DPYSL2: variants seen among roughly 807,000 people sequenced by gnomAD.
The protein encoded by DPYSL2 is dihydropyrimidinase-related protein 2.
Under a neutral mutation model 69.9 loss-of-function variants are expected in DPYSL2, and 13 were observed. That is an observed-to-expected ratio of 0.19 (90% confidence interval 0.12 to 0.30). DPYSL2 has a LOEUF of 0.30. Ranked by LOEUF, DPYSL2 falls within the 10% of genes least tolerant of loss-of-function variation. The pLI is 1.00. For missense variants in DPYSL2, 587 were observed against 918.9 expected (o/e 0.64, Z 4.67); for synonymous variants, 326 against 359.1 (o/e 0.91, Z 1.04).
chr8:26,649,347 A>G (rs1262248560), intron 11 of DPYSL2, among the ~76,000 whole-genome samples: 2 of 152,156 alleles, frequency 1.3e-5, no homozygotes, highest in Non-Finnish European at 2.9e-5. Flanking sequence ...GGTGCTATAA[A>G]TGGCTGGCTG....
At chr8:26,622,155 T>TTCCCTCCCTCCC (rs1554544282) in intron 3 of DPYSL2, among the ~76,000 whole-genome samples, 3 of 68,968 alleles carry the variant, frequency 4.3e-5, no homozygotes, top group East Asian at 4.5e-4. Context: ...CCTTCCTTCC[T>TTCCCTCCCTCCC]TCCCTCTCTC....
At chr8:26,592,371 A>G (rs1801746394) in intron 3 of DPYSL2, among the ~76,000 whole-genome samples, 1 of 151,708 alleles carries the variant, frequency 6.6e-6, no homozygotes, top group African/African-American at 2.4e-5. Context: ...CAGGCTGGTC[A>G]TGAACTCTTG....
At chr8:26,536,076 C>T (rs935259848) in intron 1 of DPYSL2, among the ~76,000 whole-genome samples, 2 of 151,424 alleles carry the variant, frequency 1.3e-5, no homozygotes, top group Non-Finnish European at 2.9e-5. Flanking sequence ...TACATGCCAC[C>T]ATGCCCAGCT....
chr8:26,585,971 G>C lies in DPYSL2; in HGVS notation c.628+1988G>C, dbSNP rs117996028. ...ATACAAAAATTAGCTAGGCATGGTGGCATGCTCCTGGAGTCCCAGCTACTT... is the reference window on the plus strand; with the variant it reads ...ATACAAAAATTAGCTAGGCATGGTGCCATGCTCCTGGAGTCCCAGCTACTT... On this transcript the variant is annotated intron_variant, in intron 3 of 13. Coordinates refer to ENST00000521913, the MANE Select transcript of DPYSL2 (RefSeq NM_001197293.3). This position sits in a 1 kb window ranked among gnomAD's most constrained non-coding sequence, Gnocchi z 4.0. Among the ~76,000 whole-genome samples the C allele has an allele frequency of 1.3e-5, 2 of 152,298 alleles. No homozygotes were observed. Among genetic ancestry groups the C allele is most frequent in the East Asian group, 3.9e-4 (2 of 5,182 alleles).
chr8:26,543,397 A>G (rs1480215200), intron 1 of DPYSL2, among the ~76,000 whole-genome samples: 7 of 152,128 alleles, frequency 4.6e-5, no homozygotes, highest in African/African-American at 1.7e-4. Flanking sequence ...TACACTGCTC[A>G]GGGATAGGTT....
At position 26,560,883 on chromosome 8, in the gene DPYSL2, C is replaced by A. The variant is rs937100766; in HGVS notation, c.355-21086C>A. Among the ~76,000 whole-genome samples the A allele has an allele frequency of 6.6e-6, 1 of 152,158 alleles. No homozygotes were observed. The highest frequency in any genetic ancestry group is 1.5e-5 in the Non-Finnish European group (1 of 68,050). Reference sequence around the variant, plus strand: ...CAGAAAGGAAAGAAACATCATTAATCATATGATGAGTGTTTGTCAGGCCTC... The same window carrying A: ...CAGAAAGGAAAGAAACATCATTAATAATATGATGAGTGTTTGTCAGGCCTC... On this transcript the variant is annotated intron_variant, in intron 1 of 13. Transcript: ENST00000521913. This position sits in a 1 kb window ranked among gnomAD's most constrained non-coding sequence, Gnocchi z 4.4.
chr8:26,529,972 C>T (rs1368975379), intron 1 of DPYSL2, among the ~76,000 whole-genome samples: 2 of 151,424 alleles, frequency 1.3e-5, no homozygotes, highest in Non-Finnish European at 2.9e-5. Flanking sequence ...ACTAGCTGGG[C>T]ATGGTGGCCC....
intron 3 of DPYSL2, among the ~76,000 whole-genome samples, chr8:26,592,015 CCT>C (rs34241661): frequency 0.1 from 15,181 of 152,150 alleles, 857 homozygotes; most frequent in Non-Finnish European, 0.12. Context: ...GTTTAATATC[CCT>C]CTCTCTGTTC....
chr8:26,564,429 G>C lies in DPYSL2; in HGVS notation c.355-17540G>C, dbSNP rs1329502323. Among the ~76,000 whole-genome samples the C allele has an allele frequency of 6.6e-6, 1 of 152,186 alleles. No individual in the cohort carries two copies. The highest frequency in any genetic ancestry group is 1.5e-5 in the Non-Finnish European group (1 of 68,042). ...ACTGAGAGGTGGAGAGGAAGACTTT[G>C]AGATTTGGGAGCAGGCCGGGGTGGG... On this transcript the variant is annotated intron_variant, in intron 1 of 13. Coordinates refer to ENST00000521913, the MANE Select transcript of DPYSL2 (RefSeq NM_001197293.3). This position sits in a 1 kb window ranked among gnomAD's most constrained non-coding sequence, Gnocchi z 4.8.
chr8:26,616,377 G>A (rs930910307), intron 3 of DPYSL2, among the ~76,000 whole-genome samples: 1 of 152,154 alleles, frequency 6.6e-6, no homozygotes, highest in African/African-American at 2.4e-5. Flanking sequence ...GCATTTTGCA[G>A]GGCATTTTGC....
At chr8:26,606,068 ATAAT>A (rs1402483084) in intron 3 of DPYSL2, among the ~76,000 whole-genome samples, 2 of 152,176 alleles carry the variant, frequency 1.3e-5, no homozygotes, top group Non-Finnish European at 2.9e-5. Context: ...TAAAAATATA[ATAAT>A]TAAAGCTGTG....
rs988544524 is a variant in DPYSL2 at position 26,650,755 on chromosome 8, G to A, written c.1597-1502G>A. Among the ~76,000 whole-genome samples, 3 of 152,192 alleles carry A rather than the reference G, an allele frequency of 2.0e-5. No individual in the cohort carries two copies. The highest frequency in any genetic ancestry group is 4.4e-5 in the Non-Finnish European group (3 of 68,040). ...GCAGACAGGGGTGGCAGAAAATCTC[G>A]CAGGCCTCGACCTTGGCATTGGTTG... On this transcript the variant is annotated intron_variant, in intron 11 of 13. Coordinates refer to ENST00000521913, the MANE Select transcript of DPYSL2 (RefSeq NM_001197293.3). This position sits in a 1 kb window ranked among gnomAD's most constrained non-coding sequence, Gnocchi z 5.3.
At chr8:26,557,564 G>A (rs11135942) in intron 1 of DPYSL2, among the ~76,000 whole-genome samples, 51,799 of 145,692 alleles carry the variant, frequency 0.36, 11,138 homozygotes, top group East Asian at 0.67. Context: ...GATCATTTGA[G>A]GCCAGGAGTT....
chr8:26,634,763 C>A lies in DPYSL2; in HGVS notation c.1006-17C>A, dbSNP rs1470811505. The A allele has an allele frequency of 1.2e-6, 2 of 1,614,084 alleles. No individual in the cohort carries two copies. Among genetic ancestry groups the A allele is most frequent in the East Asian group, 4.5e-5 (2 of 44,880 alleles). On this transcript the variant is annotated splice_polypyrimidine_tract_variant and intron_variant, in intron 7 of 13. Coordinates refer to ENST00000521913, the MANE Select transcript of DPYSL2 (RefSeq NM_001197293.3). ...GTGGGCTGAGCCACATTCTCATGCT[C>A]TGCTGCTGTTTTGCAGGTCGAGGCC...
At chr8:26,577,659 G>A (rs1162855665) in intron 1 of DPYSL2, among the ~76,000 whole-genome samples, 1 of 149,842 alleles carries the variant, frequency 6.7e-6, no homozygotes, top group East Asian at 2.0e-4. Context: ...GGCCCAGGCC[G>A]CGCCTGGGGC....
intron 1 of DPYSL2, among the ~76,000 whole-genome samples, chr8:26,536,096 A>T (rs1800588450): frequency 6.9e-6 from 1 of 145,888 alleles, no homozygotes; most frequent in Admixed American, 6.8e-5. Flanking sequence ...TAATTTTTGT[A>T]TCTTTTTCCT....
chr8:26,568,218 G>T (rs17320156), intron 1 of DPYSL2, among the ~76,000 whole-genome samples: 1 of 151,998 alleles, frequency 6.6e-6, no homozygotes. Flanking sequence ...CCAGTCGTTG[G>T]GTTGATGACA....
Position 26,514,772 on chromosome 8 carries a change from C to G in DPYSL2, c.354+93C>G, listed in dbSNP as rs949769351. 2.5e-5 allele frequency: 28 copies of G among 1,124,184 alleles called. No individual in the cohort carries two copies. In the East Asian group the frequency reaches 6.1e-4, roughly 25 times the overall value. 69.6% of individuals were successfully genotyped at this position (1,124,184 alleles called of 1,614,324 possible). On this transcript the variant is annotated intron_variant, in intron 1 of 13. Coordinates refer to ENST00000521913, the MANE Select transcript of DPYSL2 (RefSeq NM_001197293.3). This position sits in a 1 kb window ranked among gnomAD's most constrained non-coding sequence, Gnocchi z 8.4. The stretch of plus-strand genomic sequence containing the variant: ...GCCCGGCGCGCCCGCCTTCATGCCC[C>G]GCCCTGGACCTCGCCTCCCGCATCT...
rs981706767 is a variant in DPYSL2, at chr8:26,562,885, G to T, written c.355-19084G>T. ...CCTCCAGAATCTTTCTCACTCATACGTCTGTCACCTTGGCACCATGGCAGG... is the reference window on the plus strand; with the variant it reads ...CCTCCAGAATCTTTCTCACTCATACTTCTGTCACCTTGGCACCATGGCAGG... On this transcript the variant is annotated intron_variant, in intron 1 of 13. Coordinates refer to ENST00000521913, the MANE Select transcript of DPYSL2 (RefSeq NM_001197293.3). The surrounding 1 kb of genome is among the most constrained non-coding windows in gnomAD (Gnocchi z 4.9). 3.3e-5 allele frequency among the ~76,000 whole-genome samples: 5 copies of T among 152,120 alleles called. No homozygotes were observed. Among genetic ancestry groups the T allele is most frequent in the Admixed American group, 1.3e-4 (2 of 15,272 alleles).
Sources: gnomAD v4.1 joint callset for allele counts (sites outside exome capture counted in the v4.1 genomes callset) on GRCh38, gnomAD v4.1.1 for gene constraint, Gnocchi (gnomAD v3.1) non-coding constraint, MANE v1.5 for transcripts, NCBI Gene and HGNC (gene_info 2026-07-23, HGNC 2026-07-21) for gene names.